PTPN14: variants seen among roughly 807,000 people sequenced by gnomAD.
PTPN14 encodes the protein tyrosine-protein phosphatase non-receptor type 14.
In PTPN14, 53 loss-of-function variants were observed where a neutral mutation model predicts 126.8. The observed-to-expected ratio is 0.42, with a 90% CI of 0.34 to 0.53. PTPN14 has a LOEUF of 0.53. PTPN14 is among the 20% of genes least tolerant of loss of function. The probability of loss-of-function intolerance (pLI) is 0.08; values close to 1 mark genes in which losing one functional copy is unlikely to be tolerated. For missense variants in PTPN14, 1,257 were observed against 1,552.9 expected, an observed-to-expected ratio of 0.81 and a Z score of 3.20; for synonymous variants, 630 against 599.3, an observed-to-expected ratio of 1.05 and a Z score of -0.75.
intron 2 of PTPN14, 120 bp downstream of exon 2, chr1:214,464,510 C>T: frequency 1.5e-6 from 2 of 1,345,316 alleles, no homozygotes; most frequent in Non-Finnish European, 1.0e-6. Context: ...CACATCGTCG[C>T]TTAGGCCAAA....
chr1:214,369,772 GA>G, intron 16 of PTPN14, 81 bp from the exon 17 acceptor site: 1 of 1,297,824 alleles, frequency 7.7e-7, no homozygotes. Flanking sequence ...GAAGACAGAA[GA>G]AAATGCAAAT....
chr1:214,483,489 C>T, intron 1 of PTPN14: 1 of 743,130 alleles, frequency 1.3e-6, no homozygotes, highest in African/African-American at 1.8e-5. Context: ...CACCCGCCTC[C>T]AGTTAACAAC....
intron 1 of PTPN14, among the ~76,000 whole-genome samples, chr1:214,549,127 C>T (rs1656041359): frequency 6.6e-6 from 1 of 152,140 alleles, no homozygotes; most frequent in Non-Finnish European, 1.5e-5. Context: ...GTGTTCTTCC[C>T]ACTCTGATGT....
chr1:214,487,577 C>G (rs1298423763), intron 1 of PTPN14, among the ~76,000 whole-genome samples: 2 of 141,266 alleles, frequency 1.4e-5, no homozygotes, highest in African/African-American at 5.1e-5. Flanking sequence ...GAGGTTGCAA[C>G]AAGCAGAGAT....
rs1048096156 is a variant in PTPN14 at position 214,352,927 on chromosome 1, C to G, written c.*4995G>C. On this transcript the variant is annotated 3_prime_UTR_variant, in exon 19 of 19. Coordinates refer to ENST00000366956, the MANE Select transcript of PTPN14 (RefSeq NM_005401.5). Reference sequence around the variant, plus strand: ...TGCTCAATTCCCTAAAAGGGCTACCCTAAGAGCCCAACAGTAATTATGTGG... The same window carrying G: ...TGCTCAATTCCCTAAAAGGGCTACCGTAAGAGCCCAACAGTAATTATGTGG... 1 of 152,148 alleles carries G rather than the reference C, an allele frequency of 6.6e-6. No homozygotes were observed. Among genetic ancestry groups the G allele is most frequent in the Non-Finnish European group, 1.5e-5 (1 of 68,030 alleles). 9.4% of individuals were successfully genotyped at this position (152,148 alleles called of 1,614,324 possible). A position where few individuals can be genotyped will look rare whatever the true frequency, so the allele number is the denominator to read the frequency against.
chr1:214,368,196 T>TTTTTTTAATTTA (rs1553258933), intron 17 of PTPN14, among the ~76,000 whole-genome samples: 3 of 146,236 alleles, frequency 2.1e-5, no homozygotes, highest in African/African-American at 7.6e-5. Flanking sequence ...TGTTATTCGT[T>TTTTTTTAATTTA]TTTATTTATT....
chr1:214,433,804 T>C (rs1659845356), intron 3 of PTPN14, among the ~76,000 whole-genome samples: 1 of 151,990 alleles, frequency 6.6e-6, no homozygotes, highest in African/African-American at 2.4e-5. Context: ...AAATTACTTC[T>C]AGAGCTGGGC....
At chr1:214,393,842 A>G in intron 9 of PTPN14, 65 bp from the exon 10 acceptor site, 3 of 1,327,316 alleles carry the variant, frequency 2.3e-6, no homozygotes, top group Non-Finnish European at 3.2e-6. Context: ...TTTCATTAAG[A>G]TTCTTCTGAG....
chr1:214,355,968 T>G lies in PTPN14; in HGVS notation c.*1954A>C, dbSNP rs2102497686. The stretch of plus-strand genomic sequence containing the variant: ...TTGACAACCTTTTTTCCTTTTTTTT[T>G]TTTTTTTTTGGAGGCAGGGTCTCTC... On this transcript the variant is annotated 3_prime_UTR_variant, in exon 19 of 19. Transcript: ENST00000366956. The G allele has an allele frequency of 6.7e-6, 1 of 149,890 alleles. No individual in the cohort carries two copies. Among genetic ancestry groups the G allele is most frequent in the East Asian group, 1.9e-4 (1 of 5,156 alleles). The allele number at this position is 149,890 out of a possible 1,614,324, so 9.3% of individuals were successfully genotyped here.
chr1:214,381,577 G>A (rs1658473428), intron 13 of PTPN14, among the ~76,000 whole-genome samples: 1 of 152,212 alleles, frequency 6.6e-6, no homozygotes, highest in Admixed American at 6.5e-5. Context: ...GGTTGAGAAT[G>A]TTCTTAAGGT....
intron 14 of PTPN14, 87 bp from the exon 15 acceptor site, chr1:214,376,524 T>G (rs1457615440): frequency 5.1e-6 from 6 of 1,167,628 alleles, no homozygotes; most frequent in Admixed American, 2.0e-5. Context: ...TATTTAGCGA[T>G]TGTGTTAAAA....
intron 1 of PTPN14, chr1:214,529,172 CTGTGTGTGGTGGCGCATGT>C: frequency 1.3e-5 from 2 of 152,060 alleles, no homozygotes; most frequent in Admixed American, 6.6e-5. Context: ...AAAAATTTAG[CTGTGTGTGGTGGCGCATGT>C]CTGTAGCCCC....
intron 2 of PTPN14, 30 bp from the exon 3 acceptor site, chr1:214,452,004 C>A: frequency 6.3e-7 from 1 of 1,595,272 alleles, no homozygotes; most frequent in Non-Finnish European, 8.5e-7. Context: ...AGCATCAGTT[C>A]ATGCTCACCA....
chr1:214,536,790 T>A (rs1474098556), intron 1 of PTPN14, among the ~76,000 whole-genome samples: 3 of 152,226 alleles, frequency 2.0e-5, no homozygotes, highest in African/African-American at 7.2e-5. Flanking sequence ...AAATTATGTC[T>A]ACACATGAAC....
chr1:214,381,856 T>C (rs1457698292), intron 13 of PTPN14, among the ~76,000 whole-genome samples: 1 of 152,172 alleles, frequency 6.6e-6, no homozygotes, highest in African/African-American at 2.4e-5. Context: ...TTCTAGTTAA[T>C]AGGTTTTTTT....
intron 6 of PTPN14, among the ~76,000 whole-genome samples, chr1:214,401,974 T>C (rs563867797): frequency 3.2e-4 from 48 of 152,148 alleles, no homozygotes; most frequent in African/African-American, 1.0e-3. Context: ...CAGCGAATAA[T>C]AAGAGGAAGG....
At position 214,384,702 on chromosome 1, in the gene PTPN14, T is replaced by A; in HGVS notation, c.1153A>T (p.Asn385Tyr). The change falls in exon 13 of 19, where the codon AAT becomes TAT. Residue 385 changes from asparagine (N) to tyrosine (Y), a missense_variant. By Grantham distance (143) the Asn-to-Tyr change is moderately radical. Around this residue, in one of 3 missense-constraint regions of PTPN14, gnomAD observed 1,021 missense variants for 1,183.3 expected, o/e 0.86. Coordinates refer to ENST00000366956, the MANE Select transcript of PTPN14 (RefSeq NM_005401.5). This position sits in a 1 kb window ranked among gnomAD's most constrained non-coding sequence, Gnocchi z 5.3. ...DLNYLNGTVTNGSVCSVHSVN... is the reference protein window; with the variant it reads ...DLNYLNGTVTYGSVCSVHSVN... ...CTGTGAACGCTACACACGCTGCCAT[T>A]GGTGACAGTGCCATTTAAATAATTT... 1 of 1,614,136 alleles carries A rather than the reference T, an allele frequency of 6.2e-7. No homozygotes were observed. The highest frequency in any genetic ancestry group is 8.5e-7 in the Non-Finnish European group (1 of 1,180,022).
Position 214,522,841 on chromosome 1 carries a change from A to T in PTPN14, c.-155+28342T>A, listed in dbSNP as rs372670905. ...TGTTTTAAAAGACTTAATGTGGGCA[A>T]CTCCTTGTTTAGGACGGCATAAAAT... is the stretch of plus-strand genomic sequence containing the variant. On this transcript the variant is annotated intron_variant, in intron 1 of 18. Coordinates refer to ENST00000366956, the MANE Select transcript of PTPN14 (RefSeq NM_005401.5). Among the ~76,000 whole-genome samples, 72 of 152,254 alleles carry T rather than the reference A, an allele frequency of 4.7e-4. No individual in the cohort carries two copies. In the Middle Eastern group the frequency reaches 0.037, roughly 79 times the overall value.
At chr1:214,525,266 T>G (rs2102462199) in intron 1 of PTPN14, among the ~76,000 whole-genome samples, 1 of 152,314 alleles carries the variant, frequency 6.6e-6, no homozygotes, top group Admixed American at 6.5e-5. Context: ...ACTAAACCTC[T>G]TACCCCAACC....
Sources: gnomAD v4.1 joint callset for allele counts (sites outside exome capture counted in the v4.1 genomes callset) on GRCh38, gnomAD v4.1.1 for gene constraint, gnomAD v4.1.1 regional missense constraint, Gnocchi (gnomAD v3.1) non-coding constraint, MANE v1.5 for transcripts, NCBI Gene and HGNC (gene_info 2026-07-23, HGNC 2026-07-21) for gene names.